The following ARHGAP15 variants were observed in gnomAD, a reference collection of about 807,000 sequenced individuals.
ARHGAP15 encodes the protein rho GTPase-activating protein 15.
Under a neutral mutation model 63.7 loss-of-function variants are expected in ARHGAP15, and 51 were observed. The observed-to-expected ratio is 0.80, with a 90% confidence interval of 0.64 to 1.01. The LOEUF (loss-of-function observed/expected upper bound fraction) is 1.01. Among genes scored for constraint, ARHGAP15 ranks in the 50% least tolerant of loss-of-function variants. ARHGAP15 has a pLI of 0.00. For synonymous variants in ARHGAP15, 191 were observed against 193.8 expected, an observed-to-expected ratio of 0.99 and a Z score of 0.12; for missense variants, 560 against 564.6, an observed-to-expected ratio of 0.99 and a Z score of 0.08.
intron 6 of ARHGAP15, among the ~76,000 whole-genome samples, chr2:143,378,068 T>C (rs1336812740): frequency 6.6e-6 from 1 of 152,024 alleles, no homozygotes; most frequent in Non-Finnish European, 1.5e-5. Flanking sequence ...ATAAACATAA[T>C]GTTTACTGAA....
intron 6 of ARHGAP15, among the ~76,000 whole-genome samples, chr2:143,405,882 G>C (rs1193253265): frequency 1.3e-5 from 2 of 151,804 alleles, no homozygotes; most frequent in Non-Finnish European, 2.9e-5. Context: ...TCTGCCTTGA[G>C]GTCCACAGGA....
intron 8 of ARHGAP15, among the ~76,000 whole-genome samples, chr2:143,470,065 A>G (rs1372874974): frequency 2.0e-5 from 3 of 151,960 alleles, no homozygotes; most frequent in African/African-American, 2.4e-5. Flanking sequence ...TATCTTTACA[A>G]TGTTTTCCTT....
At chr2:143,439,422 CAAAAAAAAAAAAAAAAA>C (rs529113949) in intron 8 of ARHGAP15, among the ~76,000 whole-genome samples, 1 of 31,736 alleles carries the variant, frequency 3.2e-5, no homozygotes, top group East Asian at 1.0e-3. Flanking sequence ...GACTCTGTCT[CAAAAAAAAAAAAAAAAA>C]AAAAAAAAAG....
chr2:143,718,655 T>C (rs1012639734), intron 13 of ARHGAP15, among the ~76,000 whole-genome samples: 2 of 152,210 alleles, frequency 1.3e-5, no homozygotes, highest in Non-Finnish European at 2.9e-5. Context: ...TCCTCATACA[T>C]TTTTCCACTG....
At chr2:143,248,656 G>T (rs1042367740) in intron 5 of ARHGAP15, among the ~76,000 whole-genome samples, 3 of 152,058 alleles carry the variant, frequency 2.0e-5, no homozygotes, top group Non-Finnish European at 4.4e-5. Flanking sequence ...AGAATCATTT[G>T]GTTAATATTT....
At chr2:143,441,244 G>T (rs1302644545) in intron 8 of ARHGAP15, among the ~76,000 whole-genome samples, 1 of 152,088 alleles carries the variant, frequency 6.6e-6, no homozygotes, top group Admixed American at 6.6e-5. Flanking sequence ...AAGGGTACCA[G>T]AATTGGATAT....
rs543649139 is a variant in ARHGAP15 at position 143,228,865 on chromosome 2, T to A, written c.384+197T>A. Among the ~76,000 whole-genome samples, 199 of 152,284 alleles carry A rather than the reference T, an allele frequency of 1.3e-3. 4 individuals are homozygous for A. The highest frequency in any genetic ancestry group is 4.5e-3 in the African/African-American group (189 of 41,566). On this transcript the variant is annotated intron_variant, in intron 5 of 13. Transcript: ENST00000295095. ...TGTCTGTTTTATTAAGTGGTGCATT[T>A]GGAGAATAATCACAAAATGAGATGT...
chr2:143,599,531 C>T (rs1211450989), intron 11 of ARHGAP15, among the ~76,000 whole-genome samples: 1 of 108,526 alleles, frequency 9.2e-6, no homozygotes. Context: ...GACCCCTACC[C>T]CCGCCATCTA....
intron 8 of ARHGAP15, among the ~76,000 whole-genome samples, chr2:143,442,782 T>C (rs1689947955): frequency 6.6e-6 from 1 of 152,158 alleles, no homozygotes; most frequent in African/African-American, 2.4e-5. Context: ...TGAAAAGTTC[T>C]CCAGTTAAAA....
intron 13 of ARHGAP15, among the ~76,000 whole-genome samples, chr2:143,711,655 A>G (rs867328116): frequency 1.4e-4 from 22 of 152,344 alleles, no homozygotes; most frequent in Middle Eastern, 3.4e-3. Context: ...TAGGCTAAGC[A>G]CTGTCGCTCA....
intron 13 of ARHGAP15, among the ~76,000 whole-genome samples, chr2:143,746,535 G>A (rs73961852): frequency 1.3e-5 from 2 of 151,916 alleles, no homozygotes; most frequent in African/African-American, 2.4e-5. Context: ...GTCCCTTTTG[G>A]GTGAGAAAAA....
intron 6 of ARHGAP15, among the ~76,000 whole-genome samples, chr2:143,288,645 C>T (rs954535314): frequency 6.6e-6 from 1 of 150,480 alleles, no homozygotes; most frequent in Non-Finnish European, 1.5e-5. Flanking sequence ...TGTCTGCAGA[C>T]ACCTTAAAGG....
At chr2:143,614,067 C>T (rs896084272) in intron 11 of ARHGAP15, among the ~76,000 whole-genome samples, 3 of 152,098 alleles carry the variant, frequency 2.0e-5, no homozygotes, top group South Asian at 2.1e-4. Flanking sequence ...CATTCCTTGG[C>T]GTGATTGTTA....
intron 5 of ARHGAP15, among the ~76,000 whole-genome samples, chr2:143,243,133 C>G (rs957292591): frequency 1.3e-5 from 2 of 152,198 alleles, no homozygotes; most frequent in Non-Finnish European, 1.5e-5. Flanking sequence ...TATCATCAAG[C>G]TAAAGAGCAT....
At chr2:143,142,067 C>T (rs1018016764) in intron 1 of ARHGAP15, among the ~76,000 whole-genome samples, 4 of 152,058 alleles carry the variant, frequency 2.6e-5, no homozygotes, top group African/African-American at 9.7e-5. Context: ...CAAGAGAAGA[C>T]ATATAGACAT....
At chr2:143,613,572 C>T (rs1378935559) in intron 11 of ARHGAP15, among the ~76,000 whole-genome samples, 1 of 152,128 alleles carries the variant, frequency 6.6e-6, no homozygotes, top group African/African-American at 2.4e-5. Flanking sequence ...TGCAAACTAC[C>T]AGCAGGTCTT....
intron 6 of ARHGAP15, among the ~76,000 whole-genome samples, chr2:143,302,571 T>C (rs1217955238): frequency 1.3e-5 from 2 of 152,024 alleles, no homozygotes; most frequent in Non-Finnish European, 2.9e-5. Flanking sequence ...AATTCTATTT[T>C]ATGAATTTTA....
chr2:143,601,690 C>A (rs1015013279), intron 11 of ARHGAP15: 2 of 152,110 alleles, frequency 1.3e-5, no homozygotes, highest in African/African-American at 2.4e-5. Context: ...TTCCTAAAAG[C>A]CATATTTCAG....
intron 9 of ARHGAP15, among the ~76,000 whole-genome samples, chr2:143,492,298 C>T (rs1692616078): frequency 6.6e-6 from 1 of 152,070 alleles, no homozygotes; most frequent in South Asian, 2.1e-4. Flanking sequence ...GTTTTGTTAA[C>T]CCTAGAAAAT....
Sources: gnomAD v4.1 joint callset for allele counts (sites outside exome capture counted in the v4.1 genomes callset) on GRCh38, gnomAD v4.1.1 for gene constraint, MANE v1.5 for transcripts, NCBI Gene and HGNC (gene_info 2026-07-23, HGNC 2026-07-21) for gene names.